Variants in PLS1 observed in about 807,000 individuals in gnomAD.
The protein encoded by PLS1 is plastin-1.
Under a neutral mutation model 73.7 loss-of-function variants are expected in PLS1, and 32 were observed. That is an observed-to-expected ratio of 0.43 (90% CI 0.33 to 0.58). PLS1 has a LOEUF of 0.58. Among genes scored for constraint, PLS1 ranks in the 20% least tolerant of loss-of-function variants. The pLI is 0.04. For missense variants in PLS1, 633 were observed against 740.5 expected (o/e 0.85, Z 1.68); for synonymous variants, 217 against 261.3 (o/e 0.83, Z 1.63).
intron 1 of PLS1, among the ~76,000 whole-genome samples, chr3:142,618,788 C>T (rs1286602317): frequency 6.6e-6 from 1 of 152,190 alleles, no homozygotes; most frequent in Non-Finnish European, 1.5e-5. Context: ...AGGTTCTCTG[C>T]TTTTAAAGAC....
chr3:142,681,993 C>T (rs2037866501), intron 6 of PLS1, among the ~76,000 whole-genome samples: 1 of 152,046 alleles, frequency 6.6e-6, no homozygotes. Context: ...CAACACAACC[C>T]GTTGATAAGA....
chr3:142,625,218 C>G (rs1296883772), intron 1 of PLS1, among the ~76,000 whole-genome samples: 2 of 151,248 alleles, frequency 1.3e-5, no homozygotes, highest in Non-Finnish European at 2.9e-5. Context: ...CTTAAACTCC[C>G]GAATATGTCA....
At chr3:142,627,601 AT>A (rs2036456906) in intron 1 of PLS1, among the ~76,000 whole-genome samples, 1 of 151,892 alleles carries the variant, frequency 6.6e-6, no homozygotes. Flanking sequence ...ATATGTGTAC[AT>A]GTTTGCTTTT....
intron 1 of PLS1, among the ~76,000 whole-genome samples, chr3:142,622,148 A>G (rs560155651): frequency 4.5e-4 from 68 of 151,986 alleles, no homozygotes; most frequent in Admixed American, 2.1e-3. Context: ...TTCTTCTGCC[A>G]GTGGTCCTAA....
intron 1 of PLS1, among the ~76,000 whole-genome samples, chr3:142,633,866 T>C (rs1577808277): frequency 6.6e-6 from 1 of 152,200 alleles, no homozygotes; most frequent in African/African-American, 2.4e-5. Flanking sequence ...AGAAAATCTG[T>C]CAATCAAAAC....
chr3:142,673,197 C>T (rs2037644613), intron 4 of PLS1, among the ~76,000 whole-genome samples: 1 of 152,096 alleles, frequency 6.6e-6, no homozygotes, highest in African/African-American at 2.4e-5. Flanking sequence ...CAAATGTGTA[C>T]CACCATGCCC....
intron 1 of PLS1, among the ~76,000 whole-genome samples, chr3:142,603,112 C>A (rs1342052328): frequency 6.6e-6 from 1 of 152,176 alleles, no homozygotes; most frequent in Non-Finnish European, 1.5e-5. Context: ...AATGGTTATA[C>A]AATTTTGATT....
chr3:142,633,632 G>T (rs2036613772), intron 1 of PLS1, among the ~76,000 whole-genome samples: 4 of 151,816 alleles, frequency 2.6e-5, no homozygotes, highest in Admixed American at 2.6e-4. Context: ...CTCCAGCCTG[G>T]GCGAGAAGAG....
intron 1 of PLS1, among the ~76,000 whole-genome samples, chr3:142,606,451 T>G (rs1304496873): frequency 6.6e-6 from 1 of 152,216 alleles, no homozygotes; most frequent in Non-Finnish European, 1.5e-5. Flanking sequence ...ATGACATTGT[T>G]TTTAAAATAA....
intron 1 of PLS1, chr3:142,623,339 A>G (rs1265086930): frequency 2.0e-5 from 3 of 152,190 alleles, no homozygotes; most frequent in Non-Finnish European, 1.5e-5. Context: ...TATGGTTCTG[A>G]ACCACACCCA....
chr3:142,704,286 T>C (rs2038402006), intron 13 of PLS1, among the ~76,000 whole-genome samples, 177 bp from the exon 14 acceptor site: 1 of 152,198 alleles, frequency 6.6e-6, no homozygotes, highest in Admixed American at 6.5e-5. Flanking sequence ...TAGTTTTTGT[T>C]TCTGATTAAT....
intron 1 of PLS1, among the ~76,000 whole-genome samples, chr3:142,651,914 G>C (rs1433721622): frequency 4.6e-5 from 7 of 152,184 alleles, no homozygotes; most frequent in African/African-American, 1.7e-4. Flanking sequence ...GCTGCTCCTT[G>C]TCAGAGCCCT....
chr3:142,622,749 C>T (rs531891194), intron 1 of PLS1, among the ~76,000 whole-genome samples: 14 of 152,260 alleles, frequency 9.2e-5, no homozygotes, highest in African/African-American at 3.1e-4. Flanking sequence ...CTGGTTTTAA[C>T]GCTGTATAAT....
intron 1 of PLS1, among the ~76,000 whole-genome samples, chr3:142,652,481 C>G (rs1234431248): frequency 6.6e-6 from 1 of 152,106 alleles, no homozygotes; most frequent in Non-Finnish European, 1.5e-5. Context: ...ATTTTTGTGC[C>G]CCTTGGACAA....
chr3:142,621,315 A>G (rs556401262), intron 1 of PLS1, among the ~76,000 whole-genome samples: 1 of 152,296 alleles, frequency 6.6e-6, no homozygotes, highest in Admixed American at 6.5e-5. Flanking sequence ...AAACTCTTAG[A>G]GCAATTGGAT....
intron 10 of PLS1, among the ~76,000 whole-genome samples, chr3:142,693,103 A>G (rs1222706097): frequency 1.3e-5 from 2 of 152,308 alleles, no homozygotes; most frequent in East Asian, 3.9e-4. Flanking sequence ...CAACAGACTG[A>G]TCAGTTACCT....
chr3:142,624,430 GCCTTA>G (rs1476610329), intron 1 of PLS1, among the ~76,000 whole-genome samples: 1 of 152,146 alleles, frequency 6.6e-6, no homozygotes, highest in Non-Finnish European at 1.5e-5. Context: ...AGCTGTAGCA[GCCTTA>G]CCTTAAGTTC....
At chr3:142,691,872 C>A (rs1577899002) in intron 10 of PLS1, among the ~76,000 whole-genome samples, 1 of 152,120 alleles carries the variant, frequency 6.6e-6, no homozygotes, top group Non-Finnish European at 1.5e-5. Context: ...ATTAAACGCT[C>A]ACATCAAATT....
At chr3:142,650,493 G>GT (rs1348329579) in intron 1 of PLS1, among the ~76,000 whole-genome samples, 30 of 152,128 alleles carry the variant, frequency 2.0e-4, no homozygotes, top group Admixed American at 2.0e-3. Context: ...AGGGGATCAT[G>GT]TGGGGATTCT....
Sources: gnomAD v4.1 joint callset for allele counts (sites outside exome capture counted in the v4.1 genomes callset) on GRCh38, gnomAD v4.1.1 for gene constraint, MANE v1.5 for transcripts, NCBI Gene and HGNC (gene_info 2026-07-23, HGNC 2026-07-21) for gene names.